The following LSMEM2 variants were observed in gnomAD, a reference collection of about 807,000 sequenced individuals.
The protein encoded by LSMEM2 is leucine-rich single-pass membrane protein 2.
LSMEM2 carries 20 observed loss-of-function variants against 17.3 expected under a neutral mutation model. That is an observed-to-expected ratio of 1.16 (90% CI 0.81 to 1.68). The LOEUF (loss-of-function observed/expected upper bound fraction) is 1.68. LSMEM2 is among the 40% of genes most tolerant of loss of function. LSMEM2 has a pLI of 0.00. For missense variants in LSMEM2, 207 were observed against 214.3 expected (o/e 0.97, Z 0.21); for synonymous variants, 94 against 97.8 (o/e 0.96, Z 0.23).
At chr3:50,287,036 A>G (rs2109271323) in intron 3 of LSMEM2, 33 bp from the exon 4 acceptor site, 3 of 1,612,076 alleles carry the variant, frequency 1.9e-6, no homozygotes, top group Non-Finnish European at 2.5e-6. Context: ...GGGGTGGCAC[A>G]TGGTCTGATG....
At chr3:50,281,464 G>A (rs1242391373) in intron 1 of LSMEM2, among the ~76,000 whole-genome samples, 2 of 149,336 alleles carry the variant, frequency 1.3e-5, no homozygotes, top group Non-Finnish European at 3.0e-5. Context: ...CCAGGTTCAA[G>A]TGATTCTCCT....
chr3:50,284,594 A>G (rs1231034671), intron 1 of LSMEM2, among the ~76,000 whole-genome samples: 1 of 152,064 alleles, frequency 6.6e-6, no homozygotes, highest in African/African-American at 2.4e-5. Flanking sequence ...TTAACTGGGC[A>G]TGGTAGTGCA....
intron 1 of LSMEM2, among the ~76,000 whole-genome samples, chr3:50,280,583 G>C (rs1402198427): frequency 2.0e-5 from 3 of 151,102 alleles, no homozygotes; most frequent in African/African-American, 7.3e-5. Flanking sequence ...CTCCCACCTT[G>C]GCCTTTCTTT....
intron 1 of LSMEM2, among the ~76,000 whole-genome samples, chr3:50,283,767 C>A (rs1264706929): frequency 3.3e-5 from 5 of 152,162 alleles, no homozygotes; most frequent in Admixed American, 2.0e-4. Context: ...CCACTGCACT[C>A]CAGCCAGGGC....
chr3:50,287,874 G>A lies in LSMEM2; in HGVS notation c.*672G>A, dbSNP rs1701586890. ...AGATGCCACCACCCCCCTAAGAGTG[G>A]GTCATCCTGGGGGAGCAAGGCCTGA... On this transcript the variant is annotated 3_prime_UTR_variant, in exon 4 of 4. Transcript: ENST00000316436. 1 of 361,048 alleles carries A rather than the reference G, an allele frequency of 2.8e-6. No homozygotes were observed. The highest frequency in any genetic ancestry group is 5.2e-6 in the Non-Finnish European group (1 of 193,074). The allele number at this position is 361,048 out of a possible 1,614,324, so 22.4% of individuals were successfully genotyped here.
intron 1 of LSMEM2, 93 bp from the exon 2 acceptor site, chr3:50,286,378 T>TATCA (rs1412651150): frequency 4.1e-6 from 6 of 1,475,060 alleles, no homozygotes; most frequent in Non-Finnish European, 3.6e-6. Context: ...CCACTATCCC[T>TATCA]ATCATCCGCA....
chr3:50,286,414 G>T (rs1028049447), intron 1 of LSMEM2, 57 bp from the exon 2 acceptor site: 2 of 1,522,096 alleles, frequency 1.3e-6, no homozygotes, highest in Middle Eastern at 4.7e-4. Context: ...AAGCCACCTG[G>T]TAGAAGGAAG....
chr3:50,286,709 C>T lies in LSMEM2; in HGVS notation c.208C>T (p.Arg70Ter), dbSNP rs367605856. 26 of 1,614,048 alleles carry T rather than the reference C, an allele frequency of 1.6e-5. No homozygotes were observed. Among genetic ancestry groups the T allele is most frequent in the South Asian group, 2.2e-5 (2 of 91,068 alleles). The stretch of plus-strand genomic sequence containing the variant: ...GCGCCCCTATCTAACTGAAGAGGCA[C>T]GACCGTGGGATGAGCTGCTGGGCGT... Reference protein sequence around the residue: ...TLRPYLTEEARPWDELLGVLP... With the variant: ...TLRPYLTEEA Residue 70 changes from arginine to a stop codon, truncating the protein, a stop_gained, in exon 3 of 4, where the codon CGA (arginine) becomes TGA (stop). Transcript: ENST00000316436. LOFTEE classifies it high-confidence loss of function.
intron 1 of LSMEM2, 92 bp from the exon 2 acceptor site, chr3:50,286,379 A>G (rs1187090007): frequency 6.8e-7 from 1 of 1,475,880 alleles, no homozygotes; most frequent in South Asian, 1.3e-5. Flanking sequence ...CACTATCCCT[A>G]TCATCCGCAA....
At chr3:50,286,898 C>G (rs1553708624) in intron 3 of LSMEM2, 36 bp downstream of exon 3, 1 of 1,607,378 alleles carries the variant, frequency 6.2e-7, no homozygotes, top group African/African-American at 1.3e-5. Flanking sequence ...GAATGGAAAG[C>G]AAGGCAGTGG....
chr3:50,287,038 G>T (rs1553708650), intron 3 of LSMEM2, 31 bp from the exon 4 acceptor site: 1 of 1,612,546 alleles, frequency 6.2e-7, no homozygotes, highest in Admixed American at 1.7e-5. Context: ...GGTGGCACAT[G>T]GTCTGATGAT....
chr3:50,287,155 A>G lies in LSMEM2; in HGVS notation c.448A>G (p.Ser150Gly), dbSNP rs587654943. 3.6e-5 allele frequency: 58 copies of G among 1,613,764 alleles called. 1 individual carries two copies. In the South Asian group the frequency reaches 6.1e-4, roughly 17 times the overall value. The change falls in exon 4 of 4, where the codon AGC becomes GGC. Residue 150 changes from serine to glycine, a missense_variant. Transcript: ENST00000316436. ...ACTCAAACTCCGCTTGGCCAGCCTC[A>G]GCCAGCTTCGGAGGCTCAACTCCAG... ...TLLKLRLASL[S>G]QLRRLNSSEA...
intron 1 of LSMEM2, among the ~76,000 whole-genome samples, chr3:50,281,273 G>T (rs376701081): frequency 6.7e-6 from 1 of 150,028 alleles, no homozygotes; most frequent in East Asian, 2.0e-4. Flanking sequence ...TGTTAGCCAG[G>T]ATGGTCTCGA....
At position 50,287,650 on chromosome 3, in the gene LSMEM2, G is replaced by C. The variant is rs996345762; in HGVS notation, c.*448G>C. 4.3e-6 allele frequency: 1 copy of C among 231,030 alleles called. No homozygotes were observed. The highest frequency in any genetic ancestry group is 5.1e-5 in the Admixed American group (1 of 19,606). The allele number at this position is 231,030 out of a possible 1,614,324, so 14.3% of individuals were successfully genotyped here. A position where few individuals can be genotyped will look rare whatever the true frequency, so the allele number is the denominator to read the frequency against. On this transcript the variant is annotated 3_prime_UTR_variant, in exon 4 of 4. Transcript: ENST00000316436. The stretch of plus-strand genomic sequence containing the variant: ...CACCTGGGGAAGACTGCCTTGGAGG[G>C]CAAAGGTGACATCGTGGAAGACCAG...
At chr3:50,280,164 C>T (rs371512394) in intron 1 of LSMEM2, among the ~76,000 whole-genome samples, 3 of 138,852 alleles carry the variant, frequency 2.2e-5, no homozygotes, top group African/African-American at 5.6e-5. Context: ...TGAGCCACCG[C>T]GCCTGGCCTC....
At chr3:50,277,957 ACT>A (rs1553707280), upstream of LSMEM2, among the ~76,000 whole-genome samples, 1 of 152,208 alleles carries the variant, frequency 6.6e-6, no homozygotes, top group African/African-American at 2.4e-5. Flanking sequence ...ACAGAGCGAG[ACT>A]CTGTCTCAAA....
Position 50,287,188 on chromosome 3 carries a change from C to T in LSMEM2, c.481C>T (p.Gln161Ter). The part of the protein sequence containing the change: ...QLRRLNSSEA[Q>*]APS The stretch of plus-strand genomic sequence containing the variant: ...TCGGAGGCTCAACTCCAGTGAGGCC[C>T]AAGCACCCAGCTGAGATGCCATTTG... Residue 161 changes from glutamine (Q) to a stop codon, truncating the protein, a stop_gained, in exon 4 of 4, where the codon CAA becomes TAA. Coordinates refer to ENST00000316436, the MANE Select transcript of LSMEM2 (RefSeq NM_153215.3). LOFTEE classifies it high-confidence loss of function. The T allele has an allele frequency of 6.2e-7, 1 of 1,613,896 alleles. No homozygotes were observed. The highest frequency in any genetic ancestry group is 1.1e-5 in the South Asian group (1 of 91,086).
At chr3:50,284,662 G>A (rs1420128769) in intron 1 of LSMEM2, among the ~76,000 whole-genome samples, 3 of 152,216 alleles carry the variant, frequency 2.0e-5, no homozygotes, top group Admixed American at 2.0e-4. Flanking sequence ...GAGCCCAGGA[G>A]GTGGAGGCTG....
intron 1 of LSMEM2, among the ~76,000 whole-genome samples, chr3:50,282,381 G>A (rs138005735): frequency 1.1e-4 from 17 of 152,118 alleles, no homozygotes; most frequent in Admixed American, 8.5e-4. Context: ...TTTTGAGCAC[G>A]TCAAGAGGCA....
Sources: gnomAD v4.1 joint callset for allele counts (sites outside exome capture counted in the v4.1 genomes callset) on GRCh38, gnomAD v4.1.1 for gene constraint, MANE v1.5 for transcripts, NCBI Gene and HGNC (gene_info 2026-07-23, HGNC 2026-07-21) for gene names.